Variants in GRIN2A observed in about 807,000 individuals in gnomAD.
GRIN2A encodes glutamate receptor ionotropic, NMDA 2A.
In GRIN2A, 22 loss-of-function variants were observed where a neutral mutation model predicts 113.4. The observed-to-expected ratio is 0.19, with a 90% CI of 0.14 to 0.28. The LOEUF (loss-of-function observed/expected upper bound fraction) is 0.28, where lower values mean the gene tolerates loss of function less well. Ranked by LOEUF, GRIN2A falls within the 10% of genes least tolerant of loss-of-function variation. The pLI is 1.00. For synonymous variants in GRIN2A, 827 were observed against 738.4 expected (o/e 1.12, Z -1.94); for missense variants, 1,502 against 1,887.0 (o/e 0.80, Z 3.78).
intron 2 of GRIN2A, among the ~76,000 whole-genome samples, chr16:9,982,467 G>C (rs962634895): frequency 6.6e-6 from 1 of 152,122 alleles, no homozygotes; most frequent in Non-Finnish European, 1.5e-5. Flanking sequence ...GCCAAAAAGA[G>C]AAATCTTCCT....
rs7196280 is a variant in GRIN2A at position 9,820,969 on chromosome 16, G to C, written c.2168+1295C>G. ...TCCCAGCCCCTGCTGAGATGCCAAAGACATTCCAAAGGCACAGACTGAAAG... is the reference window on the plus strand; with the variant it reads ...TCCCAGCCCCTGCTGAGATGCCAAACACATTCCAAAGGCACAGACTGAAAG... On this transcript the variant is annotated intron_variant, in intron 10 of 12. Coordinates refer to ENST00000330684, the MANE Select transcript of GRIN2A (RefSeq NM_001134407.3). 7.0e-3 allele frequency among the ~76,000 whole-genome samples: 1,069 copies of C among 152,256 alleles called. 8 individuals are homozygous for C. The highest frequency in any genetic ancestry group is 0.024 in the African/African-American group (1,013 of 41,554).
intron 2 of GRIN2A, among the ~76,000 whole-genome samples, chr16:10,079,378 C>A (rs2047937230): frequency 1.3e-5 from 2 of 152,232 alleles, no homozygotes; most frequent in Admixed American, 1.3e-4. Context: ...GAGATGGAGA[C>A]AATGCAGCCA....
intron 2 of GRIN2A, among the ~76,000 whole-genome samples, chr16:10,038,495 C>T (rs2047076735): frequency 6.6e-6 from 1 of 151,992 alleles, no homozygotes. Flanking sequence ...TGTCCTCCAC[C>T]TACTAGATGC....
At chr16:9,960,372 C>A (rs2045413393) in intron 2 of GRIN2A, among the ~76,000 whole-genome samples, 1 of 152,120 alleles carries the variant, frequency 6.6e-6, no homozygotes, top group Non-Finnish European at 1.5e-5. Context: ...AGATAATACA[C>A]CCCAAAATAC....
chr16:9,821,097 C>A (rs531434839), intron 10 of GRIN2A, among the ~76,000 whole-genome samples: 3 of 151,964 alleles, frequency 2.0e-5, no homozygotes, highest in African/African-American at 7.2e-5. Flanking sequence ...ACAAAGCCAG[C>A]AGCAAGGCCT....
At chr16:9,810,387 C>T (rs777121864) in intron 10 of GRIN2A, among the ~76,000 whole-genome samples, 8 of 152,172 alleles carry the variant, frequency 5.3e-5, no homozygotes, top group Non-Finnish European at 1.2e-4. Context: ...CACACTACAG[C>T]CTAGGTGAGT....
intron 2 of GRIN2A, among the ~76,000 whole-genome samples, chr16:9,992,017 T>G (rs886378266): frequency 1.6e-4 from 25 of 152,102 alleles, no homozygotes; most frequent in African/African-American, 6.0e-4. Context: ...TGTATACCTA[T>G]GTAACAAAAC....
Position 9,921,970 on chromosome 16 carries a change from C to T in GRIN2A, c.1007+15989G>A, listed in dbSNP as rs543759829. On this transcript the variant is annotated intron_variant, in intron 3 of 12. Transcript: ENST00000330684. ...GATTTTGTAAAACCAGTTGAAAATA[C>T]GTTGTTACAACTAATAATATATTTT... 9.1e-4 allele frequency among the ~76,000 whole-genome samples: 138 copies of T among 152,160 alleles called. 1 individual carries two copies. Among genetic ancestry groups the T allele is most frequent in the African/African-American group, 3.0e-3 (124 of 41,514 alleles).
chr16:9,879,416 T>A (rs982181927), intron 4 of GRIN2A, among the ~76,000 whole-genome samples: 10 of 152,002 alleles, frequency 6.6e-5, no homozygotes, highest in East Asian at 5.8e-4. Context: ...TAAAAAAAAA[T>A]TTTTTTAATC....
rs369686122 is a variant in GRIN2A, at chr16:9,912,937, A to G, written c.1008-21837T>C. Among the ~76,000 whole-genome samples the G allele has an allele frequency of 3.4e-4, 52 of 152,358 alleles. 1 individual carries two copies. Among genetic ancestry groups the G allele is most frequent in the African/African-American group, 1.2e-3 (51 of 41,576 alleles). On this transcript the variant is annotated intron_variant, in intron 3 of 12. Transcript: ENST00000330684. The stretch of plus-strand genomic sequence containing the variant: ...GACCCAAATAGTCTCCACATAGAAG[A>G]GTTTTAAGGTTATCTATCTAAACCA...
intron 2 of GRIN2A, among the ~76,000 whole-genome samples, chr16:10,008,026 C>T (rs1165580812): frequency 2.0e-5 from 3 of 151,954 alleles, no homozygotes; most frequent in Non-Finnish European, 4.4e-5. Flanking sequence ...AAGTTAAATT[C>T]GATCTTGGAC....
At chr16:10,094,883 CAAAAAAAAAAA>C (rs58041208) in intron 2 of GRIN2A, among the ~76,000 whole-genome samples, 1 of 117,438 alleles carries the variant, frequency 8.5e-6, no homozygotes. Flanking sequence ...GAATGTGCAC[CAAAAAAAAAAA>C]AAAAAAAAAA....
At chr16:9,854,161 T>C (rs192428329) in intron 4 of GRIN2A, among the ~76,000 whole-genome samples, 2 of 152,234 alleles carry the variant, frequency 1.3e-5, no homozygotes, top group East Asian at 3.9e-4. Context: ...TACATGTGCA[T>C]GAGTCAGAAA....
At chr16:9,824,500 C>G (rs973884469) in intron 9 of GRIN2A, among the ~76,000 whole-genome samples, 1 of 152,200 alleles carries the variant, frequency 6.6e-6, no homozygotes, top group Admixed American at 6.5e-5. Context: ...CTGCATAGGT[C>G]TTTAAAAATT....
chr16:10,019,420 A>T (rs781516869), intron 2 of GRIN2A, among the ~76,000 whole-genome samples: 2 of 152,258 alleles, frequency 1.3e-5, no homozygotes, highest in Non-Finnish European at 2.9e-5. Flanking sequence ...AGATATTGTC[A>T]CAAGGATAGC....
chr16:9,768,671 C>G (rs1901070086), intron 12 of GRIN2A, among the ~76,000 whole-genome samples, 180 bp downstream of exon 12: 1 of 152,204 alleles, frequency 6.6e-6, no homozygotes, highest in Admixed American at 6.5e-5. Flanking sequence ...TTTCTGCCTT[C>G]CTTAGTCATC....
At chr16:10,101,463 A>G (rs372876454) in intron 2 of GRIN2A, among the ~76,000 whole-genome samples, 4 of 152,354 alleles carry the variant, frequency 2.6e-5, no homozygotes, top group African/African-American at 9.6e-5. Context: ...GGAAGAGAAC[A>G]GTCTGATTAA....
chr16:9,876,638 C>T (rs992811299), intron 4 of GRIN2A, among the ~76,000 whole-genome samples: 1 of 152,166 alleles, frequency 6.6e-6, no homozygotes, highest in South Asian at 2.1e-4. Flanking sequence ...TTTTATTAGT[C>T]ATCTCTGCTT....
At chr16:10,138,674 T>A (rs1457941081) in intron 2 of GRIN2A, among the ~76,000 whole-genome samples, 3 of 152,166 alleles carry the variant, frequency 2.0e-5, no homozygotes, top group Non-Finnish European at 2.9e-5. Context: ...TTTCCTTCTA[T>A]GAGCCTCAGT....
Sources: gnomAD v4.1 joint callset for allele counts (sites outside exome capture counted in the v4.1 genomes callset) on GRCh38, gnomAD v4.1.1 for gene constraint, MANE v1.5 for transcripts, NCBI Gene and HGNC (gene_info 2026-07-23, HGNC 2026-07-21) for gene names.